TMEM272: variants seen among roughly 807,000 people sequenced by gnomAD.
The protein encoded by TMEM272 is transmembrane protein 272, also known as long intergenic non-protein coding RNA 282.
Under a neutral mutation model 3.7 loss-of-function variants are expected in TMEM272, and 8 were observed. The observed-to-expected ratio is 2.17, with a 90% confidence interval of 1.27 to 3.91. The LOEUF (loss-of-function observed/expected upper bound fraction) is 3.91. Ranked by LOEUF, TMEM272 falls within the 30% of genes most tolerant of loss-of-function variation. TMEM272 has a pLI of 0.00. For synonymous variants in TMEM272, 63 were observed against 39.8 expected, an observed-to-expected ratio of 1.58 and a Z score of -2.20; for missense variants, 166 against 91.5, an observed-to-expected ratio of 1.81 and a Z score of -3.32.
chr13:51,908,898 C>T, the TMEM272 span: 1 of 1,409,808 alleles, frequency 7.1e-7, no homozygotes, highest in Non-Finnish European at 1.0e-6. Flanking sequence ...CCTATCACAG[C>T]TTGATTCTCC....
At chr13:51,842,416 T>C (rs186511848) in intron 1 of TMEM272, among the ~76,000 whole-genome samples, 410 of 152,282 alleles carry the variant, frequency 2.7e-3, no homozygotes, top group Non-Finnish European at 4.0e-3. Context: ...ATGTAGGAGA[T>C]AGATAAGCAG....
At chr13:51,901,589 A>AC in the TMEM272 span, among the ~76,000 whole-genome samples, 1 of 151,864 alleles carries the variant, frequency 6.6e-6, no homozygotes, top group Admixed American at 6.6e-5. Flanking sequence ...ATTACTAACT[A>AC]CCCCCGGAGA....
At chr13:51,911,251 A>G in the TMEM272 span, among the ~76,000 whole-genome samples, 1 of 152,206 alleles carries the variant, frequency 6.6e-6, no homozygotes, top group African/African-American at 2.4e-5. Flanking sequence ...GAGATTTATT[A>G]AGCTCCTCCC....
upstream of TMEM272, among the ~76,000 whole-genome samples, chr13:51,845,876 T>C (rs1232403075): frequency 6.6e-6 from 1 of 152,224 alleles, no homozygotes; most frequent in Non-Finnish European, 1.5e-5. Flanking sequence ...CTCTGCTAAG[T>C]CTCCTGTAGG....
intron 3 of TMEM272, among the ~76,000 whole-genome samples, chr13:51,825,492 AC>A (rs1156713884): frequency 6.6e-6 from 1 of 152,148 alleles, no homozygotes; most frequent in Non-Finnish European, 1.5e-5. Context: ...GAAGGCTCCT[AC>A]CCATTAAGCA....
the TMEM272 span, among the ~76,000 whole-genome samples, chr13:51,879,181 G>A: frequency 6.6e-6 from 1 of 152,076 alleles, no homozygotes; most frequent in Admixed American, 6.6e-5. Context: ...TCTGCAGGAG[G>A]AAAAAAAGAA....
intron 2 of TMEM272, among the ~76,000 whole-genome samples, chr13:51,829,444 G>A (rs1051896867): frequency 6.6e-5 from 10 of 152,186 alleles, no homozygotes; most frequent in Non-Finnish European, 2.9e-5. Context: ...CTGGTCATGA[G>A]TGACACAGTG....
At chr13:51,895,246 A>G in the TMEM272 span, among the ~76,000 whole-genome samples, 3 of 152,150 alleles carry the variant, frequency 2.0e-5, no homozygotes, top group African/African-American at 7.2e-5. Context: ...CCTGGCTGAG[A>G]TGCATGTGGT....
intron 2 of TMEM272, among the ~76,000 whole-genome samples, chr13:51,837,027 G>A (rs527249699): frequency 3.3e-5 from 5 of 152,314 alleles, no homozygotes; most frequent in Non-Finnish European, 5.9e-5. Flanking sequence ...GAGGGGATGG[G>A]CAAGAGGCAG....
At chr13:51,855,611 G>T in the TMEM272 span, among the ~76,000 whole-genome samples, 1 of 152,064 alleles carries the variant, frequency 6.6e-6, no homozygotes, top group African/African-American at 2.4e-5. Flanking sequence ...GAATATCCTA[G>T]ATTGGAATAA....
the TMEM272 span, chr13:51,861,978 G>A: frequency 6.6e-6 from 1 of 152,284 alleles, no homozygotes; most frequent in African/African-American, 2.4e-5. Context: ...TGCCCTATCA[G>A]TGAAGTCAAA....
the TMEM272 span, among the ~76,000 whole-genome samples, chr13:51,889,029 G>GT: frequency 6.6e-6 from 1 of 152,074 alleles, no homozygotes; most frequent in African/African-American, 2.4e-5. Flanking sequence ...CTTTCCCACT[G>GT]ATGGGTATCT....
chr13:51,881,044 G>A, the TMEM272 span, among the ~76,000 whole-genome samples: 2 of 152,326 alleles, frequency 1.3e-5, no homozygotes, highest in Non-Finnish European at 2.9e-5. Flanking sequence ...TAGGTGAACT[G>A]CCATTGCATA....
the TMEM272 span, among the ~76,000 whole-genome samples, chr13:51,899,642 AAACT>A: frequency 6.6e-6 from 1 of 152,232 alleles, no homozygotes; most frequent in Non-Finnish European, 1.5e-5. Flanking sequence ...AGAAATTGAC[AAACT>A]GACCCTAAAG....
chr13:51,885,760 C>T, the TMEM272 span, among the ~76,000 whole-genome samples: 1 of 152,192 alleles, frequency 6.6e-6, no homozygotes, highest in African/African-American at 2.4e-5. Flanking sequence ...AGGCACTTCC[C>T]TTTGTATATA....
chr13:51,866,704 G>C, the TMEM272 span, among the ~76,000 whole-genome samples: 1 of 152,186 alleles, frequency 6.6e-6, no homozygotes, highest in Non-Finnish European at 1.5e-5. Flanking sequence ...TGAGAATGGG[G>C]CCTTGGCGTG....
chr13:51,871,360 T>A, the TMEM272 span, among the ~76,000 whole-genome samples: 2 of 151,898 alleles, frequency 1.3e-5, no homozygotes, highest in Non-Finnish European at 2.9e-5. Flanking sequence ...CCAGCTAATT[T>A]TTTGTATTTT....
At chr13:51,835,327 C>G (rs777412538) in intron 2 of TMEM272, among the ~76,000 whole-genome samples, 1 of 151,448 alleles carries the variant, frequency 6.6e-6, no homozygotes, top group Admixed American at 6.6e-5. Flanking sequence ...CGGGTTCAAG[C>G]GATTCTCCTG....
the TMEM272 span, among the ~76,000 whole-genome samples, chr13:51,863,665 GCA>G: frequency 9.6e-6 from 1 of 103,766 alleles, no homozygotes; most frequent in Non-Finnish European, 1.9e-5. Context: ...ATATGCACGC[GCA>G]CACAGACACA....
Sources: allele counts gnomAD v4.1 joint callset (sites outside exome capture counted in the v4.1 genomes callset), GRCh38; gene constraint gnomAD v4.1.1; transcripts MANE v1.5; gene names NCBI Gene and HGNC (gene_info 2026-07-23, HGNC 2026-07-21).